The following DNAJC12 variants were observed in gnomAD, a reference collection of about 807,000 sequenced individuals.
The protein encoded by DNAJC12 is dnaJ homolog subfamily C member 12.
A neutral mutation model predicts 28.5 loss-of-function variants in DNAJC12; 25 were observed. The observed-to-expected ratio is 0.88, with a 90% CI of 0.64 to 1.22. DNAJC12 has a LOEUF of 1.22. Ranked by LOEUF, DNAJC12 falls within the 50% of genes most tolerant of loss-of-function variation. The pLI is 0.00. For synonymous variants in DNAJC12, 77 were observed against 80.6 expected (o/e 0.95, Z 0.24); for missense variants, 222 against 231.7 (o/e 0.96, Z 0.27).
chr10:67,797,570 C>G (rs188998953), intron 4 of DNAJC12, among the ~76,000 whole-genome samples: 5 of 152,180 alleles, frequency 3.3e-5, no homozygotes, highest in African/African-American at 1.2e-4. Context: ...AAAAGGATCG[C>G]TTGAAATACA....
intron 2 of DNAJC12, chr10:67,816,076 T>C: frequency 2.5e-6 from 1 of 398,534 alleles, no homozygotes; most frequent in East Asian, 3.6e-5. Flanking sequence ...TGTAAGCTTA[T>C]AGGAGCAAAT....
chr10:67,826,465 TGC>T (rs1842030620), intron 1 of DNAJC12, among the ~76,000 whole-genome samples: 14 of 62,926 alleles, frequency 2.2e-4, no homozygotes, highest in South Asian at 7.2e-4. Context: ...TATATATATA[TGC>T]ATATATATAT....
intron 1 of DNAJC12, among the ~76,000 whole-genome samples, 186 bp from the exon 2 acceptor site, chr10:67,823,578 G>A (rs1384375588): frequency 2.6e-5 from 4 of 152,052 alleles, no homozygotes; most frequent in Non-Finnish European, 5.9e-5. Flanking sequence ...ACACATGTTA[G>A]TAGTCCCAGT....
intron 1 of DNAJC12, among the ~76,000 whole-genome samples, chr10:67,824,876 G>A (rs1842014179): frequency 6.6e-6 from 1 of 152,042 alleles, no homozygotes; most frequent in African/African-American, 2.4e-5. Flanking sequence ...TGGGATTACA[G>A]GTGCCCACCA....
chr10:67,829,448 G>A (rs1015150134), intron 1 of DNAJC12, among the ~76,000 whole-genome samples: 3 of 152,114 alleles, frequency 2.0e-5, no homozygotes, highest in African/African-American at 7.2e-5. Flanking sequence ...AGACCATCCT[G>A]GCTAAAACAG....
intron 1 of DNAJC12, among the ~76,000 whole-genome samples, chr10:67,832,116 T>A (rs375981080): frequency 1.3e-3 from 203 of 152,058 alleles, no homozygotes; most frequent in African/African-American, 4.5e-3. Flanking sequence ...ATACAAAAAA[T>A]TAGCTGGGTG....
At chr10:67,816,144 T>C (rs1387995564) in intron 2 of DNAJC12, 1 of 398,396 alleles carries the variant, frequency 2.5e-6, no homozygotes, top group African/African-American at 2.1e-5. Context: ...CTTCAAAATA[T>C]AGAGGTTATT....
chr10:67,824,804 G>A (rs188323996), intron 1 of DNAJC12, among the ~76,000 whole-genome samples: 55 of 151,912 alleles, frequency 3.6e-4, no homozygotes, highest in Middle Eastern at 3.4e-3. Flanking sequence ...CGTGATCTCC[G>A]CTCACTGCAA....
chr10:67,804,326 C>T (rs1214423831), intron 4 of DNAJC12, among the ~76,000 whole-genome samples: 3 of 152,224 alleles, frequency 2.0e-5, no homozygotes, highest in Non-Finnish European at 4.4e-5. Context: ...CCCATTTAAT[C>T]CTCATGGTAA....
At position 67,838,182 on chromosome 10, in the gene DNAJC12, A is replaced by G; in HGVS notation, c.-171T>C. 1 of 501,462 alleles carries G rather than the reference A, an allele frequency of 2.0e-6. No homozygotes were observed. The highest frequency in any genetic ancestry group is 3.5e-6 in the Non-Finnish European group (1 of 284,928). The allele number at this position is 501,462 out of a possible 1,614,324, so 31.1% of individuals were successfully genotyped here. Reference sequence around the variant, plus strand: ...ACCAGATGTCATCCTAGACCTTTGTAAACTCTGCCTCTCATTGGCTGTTTA... The same window carrying G: ...ACCAGATGTCATCCTAGACCTTTGTGAACTCTGCCTCTCATTGGCTGTTTA... On this transcript the variant is annotated 5_prime_UTR_variant, in exon 1 of 5. Coordinates refer to ENST00000225171, the MANE Select transcript of DNAJC12 (RefSeq NM_021800.3).
intron 1 of DNAJC12, among the ~76,000 whole-genome samples, chr10:67,833,443 CT>C (rs1564868380): frequency 1.5e-4 from 18 of 117,830 alleles, no homozygotes; most frequent in African/African-American, 4.8e-4. Flanking sequence ...CTCTCCCTCT[CT>C]CTCTCTCTCT....
At chr10:67,811,900 G>A (rs1841864724) in intron 2 of DNAJC12, among the ~76,000 whole-genome samples, 1 of 152,090 alleles carries the variant, frequency 6.6e-6, no homozygotes, top group South Asian at 2.1e-4. Flanking sequence ...ATGTGCCAGA[G>A]GCTACTCCCG....
At chr10:67,831,074 G>A (rs1297069532) in intron 1 of DNAJC12, among the ~76,000 whole-genome samples, 1 of 152,146 alleles carries the variant, frequency 6.6e-6, no homozygotes, top group African/African-American at 2.4e-5. Context: ...TGTAGTCCCA[G>A]CTACTTGGGA....
chr10:67,801,836 CTTTTTTTTTTTTTTTTTTTT>C (rs577511924), intron 4 of DNAJC12, among the ~76,000 whole-genome samples: 3 of 26,120 alleles, frequency 1.1e-4, no homozygotes, highest in African/African-American at 1.3e-4. Flanking sequence ...CCACTTCATT[CTTTTTTTTTTTTTTTTTTTT>C]TTTTTTTTTT....
chr10:67,809,627 G>C (rs776776667), intron 3 of DNAJC12, among the ~76,000 whole-genome samples: 28 of 151,388 alleles, frequency 1.8e-4, no homozygotes, highest in Admixed American at 6.6e-4. Flanking sequence ...AAATGTGGTG[G>C]ATATATACAC....
chr10:67,798,851 C>T (rs1180859976), intron 4 of DNAJC12, among the ~76,000 whole-genome samples: 6 of 151,082 alleles, frequency 4.0e-5, no homozygotes, highest in Admixed American at 2.0e-4. Context: ...CCACAACCTC[C>T]GCCTCCCGGG....
At chr10:67,813,088 G>C (rs1841878284) in intron 2 of DNAJC12, among the ~76,000 whole-genome samples, 1 of 151,984 alleles carries the variant, frequency 6.6e-6, no homozygotes, top group African/African-American at 2.4e-5. Flanking sequence ...TAGGAGATGG[G>C]GCTTTTGAGA....
intron 2 of DNAJC12, among the ~76,000 whole-genome samples, chr10:67,822,427 G>T (rs1313709518): frequency 6.6e-6 from 1 of 152,182 alleles, no homozygotes; most frequent in East Asian, 1.9e-4. Context: ...AACTAGGGAA[G>T]TCAGAGTGGA....
intron 3 of DNAJC12, among the ~76,000 whole-genome samples, chr10:67,807,081 GA>G (rs1366266755): frequency 6.6e-6 from 1 of 151,956 alleles, no homozygotes; most frequent in Admixed American, 6.6e-5. Context: ...CCAACATGGT[GA>G]AACCTCACCT....
Sources: gnomAD v4.1 joint callset for allele counts (sites outside exome capture counted in the v4.1 genomes callset) on GRCh38, gnomAD v4.1.1 for gene constraint, MANE v1.5 for transcripts, NCBI Gene and HGNC (gene_info 2026-07-23, HGNC 2026-07-21) for gene names.